Variants in DHPS observed in about 807,000 individuals in gnomAD.
DHPS encodes migration-inducing gene 13.
DHPS carries 24 observed loss-of-function variants against 38.7 expected under a neutral mutation model. The ratio of observed to expected loss-of-function variants is 0.62; its 90% confidence interval spans 0.45 to 0.87. The LOEUF (loss-of-function observed/expected upper bound fraction) is 0.87. Ranked by LOEUF, DHPS falls within the 40% of genes least tolerant of loss-of-function variation. DHPS has a pLI of 0.00. For missense variants in DHPS, 510 were observed against 497.6 expected (o/e 1.02, Z -0.24); for synonymous variants, 250 against 204.4 (o/e 1.22, Z -1.90).
chr19:12,681,794 G>A lies in DHPS; in HGVS notation c.-28C>T, dbSNP rs2024828071. The A allele has an allele frequency of 3.1e-6, 5 of 1,593,754 alleles. No individual in the cohort carries two copies. Among genetic ancestry groups the A allele is most frequent in the South Asian group, 2.2e-5 (2 of 90,798 alleles). On this transcript the variant is annotated 5_prime_UTR_variant, in exon 1 of 9. Transcript: ENST00000210060. Reference sequence around the variant, plus strand: ...GCCTATAGCCGGCTCTCGAGTCAAAGCTGCCCCTAGGCCGGGCTTACGGCG... The same window carrying A: ...GCCTATAGCCGGCTCTCGAGTCAAAACTGCCCCTAGGCCGGGCTTACGGCG...
chr19:12,676,623 A>C, intron 7 of DHPS: 1 of 214,492 alleles, frequency 4.7e-6, no homozygotes, highest in Non-Finnish European at 9.6e-6. Context: ...TCCCTGTGGC[A>C]CCTCCCTGCA....
At chr19:12,676,532 T>C (rs1328205025) in intron 7 of DHPS, 5 of 222,520 alleles carry the variant, frequency 2.2e-5, no homozygotes, top group Non-Finnish European at 2.7e-5. Flanking sequence ...AGGGGGAGCA[T>C]GGGAACCCGA....
rs775838640 is a variant in DHPS at position 12,676,141 on chromosome 19, C to T, written c.890G>A (p.Arg297Gln). ...KHHIANANLM[R>Q]NGADYAVYIN... Reference sequence around the variant, plus strand: ...GTAAACAGCGTAGTCGGCCCCGTTCCGCTGTGGGGAGGCGGGGGCACGGTG... The same window carrying T: ...GTAAACAGCGTAGTCGGCCCCGTTCTGCTGTGGGGAGGCGGGGGCACGGTG... The change falls in exon 8 of 9, where the codon CGG (arginine) becomes CAG (glutamine). Residue 297 changes from arginine (R) to glutamine (Q), a missense_variant and splice_region_variant. Arg to Gln is a conservative substitution (Grantham distance 43, BLOSUM62 1). Coordinates refer to ENST00000210060, the MANE Select transcript of DHPS (RefSeq NM_001930.4). The T allele has an allele frequency of 6.8e-6, 11 of 1,607,690 alleles. No homozygotes were observed. The East Asian group carries it at 8.9e-5, about 13-fold the overall frequency.
chr19:12,674,146 T>A (rs1278995767), downstream of DHPS, among the ~76,000 whole-genome samples: 1 of 152,226 alleles, frequency 6.6e-6, no homozygotes. Flanking sequence ...CAGGCTGGGC[T>A]GCAGATGCCA....
rs560868053 is a variant in DHPS, at chr19:12,681,797, G to C, written c.-31C>G. On this transcript the variant is annotated 5_prime_UTR_variant, in exon 1 of 9. Coordinates refer to ENST00000210060, the MANE Select transcript of DHPS (RefSeq NM_001930.4). ...TATAGCCGGCTCTCGAGTCAAAGCT[G>C]CCCCTAGGCCGGGCTTACGGCGGCC... is the stretch of plus-strand genomic sequence containing the variant. 43 of 1,587,210 alleles carry C rather than the reference G, an allele frequency of 2.7e-5. No individual in the cohort carries two copies. In the African/African-American group the frequency reaches 5.6e-4, roughly 21 times the overall value.
chr19:12,674,655 T>C (rs889985396), downstream of DHPS, among the ~76,000 whole-genome samples: 9 of 152,092 alleles, frequency 5.9e-5, no homozygotes, highest in African/African-American at 1.4e-4. Flanking sequence ...GTGGGGATCA[T>C]TGGGGCTGCC....
chr19:12,679,493 G>A lies in DHPS; in HGVS notation c.642C>T (p.Ile214=). ...AGTAATACACGGACTCTGGGTTGTTGATCTCCTTGCCCAGCCGGGCGATCA... is the reference window on the plus strand; with the variant it reads ...AGTAATACACGGACTCTGGGTTGTTAATCTCCTTGCCCAGCCGGGCGATCA... ...SKMIARLGKE[I]NNPESVYYWA... is the part of the protein sequence containing the mutation. Residue 214 remains isoleucine (I), a synonymous_variant, in exon 5 of 9, where the codon ATC becomes ATT. Transcript: ENST00000210060. 2 of 1,614,136 alleles carry A rather than the reference G, an allele frequency of 1.2e-6. No homozygotes were observed. Among genetic ancestry groups the A allele is most frequent in the South Asian group, 1.1e-5 (1 of 91,082 alleles).
At chr19:12,672,772 G>A, downstream of DHPS, 1 of 1,468,024 alleles carries the variant, frequency 6.8e-7, no homozygotes, top group Non-Finnish European at 9.3e-7. Context: ...GGCCCACTGG[G>A]CTGGGAAGGC....
rs1437346658 is a variant in DHPS at position 12,675,740 on chromosome 19, TA to T, written c.*97del. ...CATGGAAGGACTTCAGATACCATCT[TA>T]TTCTAGAGACGTAGCTGACCAAAAA... On this transcript the variant is annotated 3_prime_UTR_variant, in exon 9 of 9. Transcript: ENST00000210060. 1 of 1,578,630 alleles carries T rather than the reference TA, an allele frequency of 6.3e-7. No homozygotes were observed. The highest frequency in any genetic ancestry group is 1.4e-5 in the African/African-American group (1 of 74,000).
downstream of DHPS, chr19:12,675,547 G>T: frequency 6.2e-7 from 1 of 1,606,034 alleles, no homozygotes. Flanking sequence ...GGCCCTGCCT[G>T]TGGGTTCCGG....
In DHPS at chr19:12,680,240, G is replaced by C. The variant is rs1273966525; in HGVS notation, c.293C>G (p.Thr98Ser). ...TQSRRPLTSCTIFLGYTSNLI... is the reference protein window; with the variant it reads ...TQSRRPLTSCSIFLGYTSNLI... ...GTTGGATGTATATCCCAGGAAAATG[G>C]TGCAGCTGGTAAGTGGGCGGCGGCT... The change falls in exon 2 of 9, where the codon ACC (threonine) becomes AGC (serine). Residue 98 changes from threonine (T) to serine (S), a missense_variant. Transcript: ENST00000210060. 1 of 1,614,164 alleles carries C rather than the reference G, an allele frequency of 6.2e-7. No homozygotes were observed. The highest frequency in any genetic ancestry group is 2.2e-5 in the East Asian group (1 of 44,872).
chr19:12,673,007 G>A (rs1456814017), downstream of DHPS: 2 of 1,609,252 alleles, frequency 1.2e-6, no homozygotes, highest in Admixed American at 3.3e-5. Context: ...CTTCCCCCAA[G>A]GCCCCATCAC....
chr19:12,675,195 G>A (rs906877244), downstream of DHPS, among the ~76,000 whole-genome samples: 2 of 152,184 alleles, frequency 1.3e-5, no homozygotes, highest in African/African-American at 4.8e-5. Flanking sequence ...GGGAGGCCAA[G>A]GCAGGAGGAT....
At chr19:12,676,302 G>T in intron 7 of DHPS, 160 bp from the exon 8 acceptor site, 2 of 942,320 alleles carry the variant, frequency 2.1e-6, no homozygotes, top group South Asian at 3.6e-5. Context: ...AATGTCTGGG[G>T]TCACTAGAGC....
At chr19:12,677,707 C>T (rs150899883) in intron 5 of DHPS, among the ~76,000 whole-genome samples, 86 of 152,262 alleles carry the variant, frequency 5.6e-4, no homozygotes, top group African/African-American at 2.0e-3. Flanking sequence ...ACTATCTCAG[C>T]TCACTGCAAC....
chr19:12,677,249 C>G (rs1310931009), intron 6 of DHPS, 38 bp from the exon 7 acceptor site: 1 of 1,613,860 alleles, frequency 6.2e-7, no homozygotes, highest in East Asian at 2.2e-5. Context: ...TTGGACTCAG[C>G]CAGCCCTCCT....
At position 12,679,786 on chromosome 19, in the gene DHPS, A is replaced by G. The variant is rs761779124; in HGVS notation, c.494+15T>C. On this transcript the variant is annotated intron_variant, in intron 3 of 8. Coordinates refer to ENST00000210060, the MANE Select transcript of DHPS (RefSeq NM_001930.4). ...TGGTCCAGCTCCCCTGCCCAACACC[A>G]CTCAGGGTTCTCACCTATTGATCCC... The G allele has an allele frequency of 1.2e-6, 2 of 1,613,706 alleles. No individual in the cohort carries two copies. The highest frequency in any genetic ancestry group is 1.7e-6 in the Non-Finnish European group (2 of 1,179,870).
At chr19:12,677,961 G>A (rs917677592) in intron 5 of DHPS, among the ~76,000 whole-genome samples, 3 of 150,336 alleles carry the variant, frequency 2.0e-5, no homozygotes, top group African/African-American at 7.3e-5. Flanking sequence ...TTTTTAAAGA[G>A]CCAGCTTGTG....
chr19:12,681,790 C>A lies in DHPS; in HGVS notation c.-24G>T, dbSNP rs755362421. ...ATGCGCCTATAGCCGGCTCTCGAGT[C>A]AAAGCTGCCCCTAGGCCGGGCTTAC... is the stretch of plus-strand genomic sequence containing the variant. On this transcript the variant is annotated 5_prime_UTR_variant, in exon 1 of 9. Coordinates refer to ENST00000210060, the MANE Select transcript of DHPS (RefSeq NM_001930.4). 1.3e-6 allele frequency: 2 copies of A among 1,596,586 alleles called. No homozygotes were observed. Among genetic ancestry groups the A allele is most frequent in the East Asian group, 4.5e-5 (2 of 44,742 alleles).
Sources: gnomAD v4.1 joint callset for allele counts (sites outside exome capture counted in the v4.1 genomes callset) on GRCh38, gnomAD v4.1.1 for gene constraint, MANE v1.5 for transcripts, NCBI Gene and HGNC (gene_info 2026-07-23, HGNC 2026-07-21) for gene names.